MTUS2: variants seen among roughly 807,000 people sequenced by gnomAD.
MTUS2 encodes the protein microtubule associated scaffold protein 2.
Under a neutral mutation model 114.1 loss-of-function variants are expected in MTUS2, and 40 were observed. The observed-to-expected ratio is 0.35, with a 90% CI of 0.27 to 0.46. MTUS2 has a LOEUF of 0.46. MTUS2 is among the 20% of genes least tolerant of loss of function. The pLI, the probability that MTUS2 is intolerant of heterozygous loss-of-function variation, is 1.00. For synonymous variants in MTUS2, 688 were observed against 672.0 expected (o/e 1.02, Z -0.37); for missense variants, 1,679 against 1,705.4 (o/e 0.98, Z 0.27).
At position 29,324,607 on chromosome 13, in the gene MTUS2, A is replaced by T; in HGVS notation, c.2807-6A>T. 1 of 1,565,598 alleles carries T rather than the reference A, an allele frequency of 6.4e-7. No individual in the cohort carries two copies. Among genetic ancestry groups the T allele is most frequent in the Non-Finnish European group, 8.7e-7 (1 of 1,151,130 alleles). On this transcript the variant is annotated splice_region_variant and splice_polypyrimidine_tract_variant and intron_variant, in intron 6 of 15. Coordinates refer to ENST00000612955, the MANE Select transcript of MTUS2 (RefSeq NM_001033602.4). ...CTACCTATTTCTCTTTTCCAACTAT[A>T]CACAGGAACAAAGAAAGATGCTCAG...
At chr13:29,220,517 A>G (rs984887432) in intron 5 of MTUS2, among the ~76,000 whole-genome samples, 3 of 152,154 alleles carry the variant, frequency 2.0e-5, no homozygotes, top group African/African-American at 7.2e-5. Flanking sequence ...AATTGGCCTA[A>G]TTTCAATATT....
chr13:29,036,480 A>G lies in MTUS2; in HGVS notation c.2446+2355A>G, dbSNP rs559655075. Among the ~76,000 whole-genome samples, 21 of 152,350 alleles carry G rather than the reference A, an allele frequency of 1.4e-4. 1 individual carries two copies. The highest frequency in any genetic ancestry group is 4.8e-4 in the African/African-American group (20 of 41,592). ...TGACATGGTGCTGAGAAGAATGTAT[A>G]TTCTATCAGATTGGGGTGGAGAGTT... On this transcript the variant is annotated intron_variant, in intron 4 of 15. Coordinates refer to ENST00000612955, the MANE Select transcript of MTUS2 (RefSeq NM_001033602.4).
intron 4 of MTUS2, among the ~76,000 whole-genome samples, chr13:29,072,682 T>C (rs1888997195): frequency 6.6e-6 from 1 of 152,224 alleles, no homozygotes; most frequent in Admixed American, 6.5e-5. Context: ...TTTCTTTTAA[T>C]TTGCTTTTGG....
chr13:29,006,476 G>A (rs1885605247), intron 2 of MTUS2, among the ~76,000 whole-genome samples: 1 of 152,122 alleles, frequency 6.6e-6, no homozygotes, highest in South Asian at 2.1e-4. Context: ...AAAGCTACAA[G>A]CCTCTATTTT....
chr13:28,933,651 T>A (rs1409852524), intron 2 of MTUS2, among the ~76,000 whole-genome samples: 1 of 152,238 alleles, frequency 6.6e-6, no homozygotes, highest in African/African-American at 2.4e-5. Context: ...ACTTTGCCCT[T>A]GTGGGGCTTA....
At chr13:28,956,054 GC>G (rs35847187) in intron 2 of MTUS2, among the ~76,000 whole-genome samples, 5,407 of 140,032 alleles carry the variant, frequency 0.039, 119 homozygotes, top group Non-Finnish European at 0.048. Flanking sequence ...TCTGTCTCTT[GC>G]CCCCCCCCAT....
intron 9 of MTUS2, among the ~76,000 whole-genome samples, chr13:29,444,597 A>G (rs1336201222): frequency 6.6e-6 from 1 of 152,222 alleles, no homozygotes; most frequent in Non-Finnish European, 1.5e-5. Context: ...CCCCTTATTA[A>G]GTACAGTGAA....
At position 29,249,088 on chromosome 13, in the gene MTUS2, A is replaced by C. The variant is rs1431355018; in HGVS notation, c.2645-32616A>C. On this transcript the variant is annotated intron_variant, in intron 5 of 15. Transcript: ENST00000612955. ...CTGCAACTTCTGACTCCCAGCTTCC[A>C]GCAATTCTCCTGCCTCAGCTTCCCA... Among the ~76,000 whole-genome samples the C allele has an allele frequency of 2.0e-5, 3 of 152,270 alleles. No individual in the cohort carries two copies. The East Asian group carries it at 5.8e-4, about 29-fold the overall frequency.
At chr13:28,896,187 C>T (rs1879254167) in intron 2 of MTUS2, among the ~76,000 whole-genome samples, 1 of 152,164 alleles carries the variant, frequency 6.6e-6, no homozygotes, top group East Asian at 1.9e-4. Context: ...GGGATTCCAA[C>T]AGCAGTGATG....
intron 5 of MTUS2, among the ~76,000 whole-genome samples, chr13:29,179,887 G>A (rs889987234): frequency 6.6e-6 from 1 of 152,076 alleles, no homozygotes; most frequent in Non-Finnish European, 1.5e-5. Flanking sequence ...TTAAGGATGG[G>A]TTATAAATAA....
chr13:28,911,845 G>GTTTTTTTTTTTTTTTTTTTTTTAATT (rs202187530), intron 2 of MTUS2, among the ~76,000 whole-genome samples: 7 of 103,828 alleles, frequency 6.7e-5, no homozygotes, highest in African/African-American at 2.3e-4. Flanking sequence ...ACTTTTTAAT[G>GTTTTTTTTTTTTTTTTTTTTTTAATT]TTTTTTTTTT....
Position 29,338,558 on chromosome 13 carries a change from A to G in MTUS2, c.2905+13847A>G, listed in dbSNP as rs7326840. ...TGAGCTGAGATAATGCCATTGCACTACAGCCTGGGCGACAGAGCAAGACTC... is the reference window on the plus strand; with the variant it reads ...TGAGCTGAGATAATGCCATTGCACTGCAGCCTGGGCGACAGAGCAAGACTC... On this transcript the variant is annotated intron_variant, in intron 7 of 15. Transcript: ENST00000612955. 5.3e-5 allele frequency among the ~76,000 whole-genome samples: 8 copies of G among 152,020 alleles called. No individual in the cohort carries two copies. In the East Asian group the frequency reaches 5.8e-4, roughly 11 times the overall value.
chr13:29,256,455 CGTGGGCTGAGCCCAGA>C (rs1174106392), intron 5 of MTUS2, among the ~76,000 whole-genome samples: 1 of 152,176 alleles, frequency 6.6e-6, no homozygotes, highest in Non-Finnish European at 1.5e-5. Context: ...CAGAGAGGGG[CGTGGGCTGAGCCCAGA>C]GTGGGCAAGG....
intron 8 of MTUS2, among the ~76,000 whole-genome samples, chr13:29,376,274 A>G (rs1045268761): frequency 6.6e-6 from 1 of 152,150 alleles, no homozygotes; most frequent in Non-Finnish European, 1.5e-5. Context: ...GATAATGACT[A>G]CATGTGGAGA....
intron 6 of MTUS2, among the ~76,000 whole-genome samples, chr13:29,295,392 A>G (rs1334877123): frequency 1.3e-5 from 2 of 152,146 alleles, no homozygotes; most frequent in Non-Finnish European, 2.9e-5. Context: ...GTACTTTCGT[A>G]TCCATTAACC....
intron 8 of MTUS2, among the ~76,000 whole-genome samples, chr13:29,388,815 G>A (rs1423142285): frequency 6.6e-6 from 1 of 152,010 alleles, no homozygotes; most frequent in African/African-American, 2.4e-5. Flanking sequence ...CCTCTTAGTA[G>A]AATTTGAGTT....
At chr13:28,858,979 CA>C (rs1271017738) in intron 2 of MTUS2, among the ~76,000 whole-genome samples, 2 of 152,090 alleles carry the variant, frequency 1.3e-5, no homozygotes, top group Non-Finnish European at 2.9e-5. Flanking sequence ...TAAAGACAGC[CA>C]ATAAGTTGGG....
intron 2 of MTUS2, among the ~76,000 whole-genome samples, chr13:29,002,489 T>C (rs3895286): frequency 0.56 from 84,961 of 151,998 alleles, 24,183 homozygotes; most frequent in East Asian, 0.73. Flanking sequence ...TCAGATGATA[T>C]GAAAATAGGA....
At chr13:29,443,564 T>G (rs1461772598) in intron 9 of MTUS2, among the ~76,000 whole-genome samples, 2 of 152,208 alleles carry the variant, frequency 1.3e-5, no homozygotes, top group Non-Finnish European at 2.9e-5. Context: ...CCTGGTTCCT[T>G]CAGCCCAGCT....
Sources: allele counts gnomAD v4.1 joint callset (sites outside exome capture counted in the v4.1 genomes callset), GRCh38; gene constraint gnomAD v4.1.1; transcripts MANE v1.5; gene names NCBI Gene and HGNC (gene_info 2026-07-23, HGNC 2026-07-21).